The following ANKRD36 variants were observed in gnomAD, a reference collection of about 807,000 sequenced individuals.
ANKRD36 encodes the protein ankyrin repeat domain-containing protein 36A.
Under a neutral mutation model 278.1 loss-of-function variants are expected in ANKRD36, and 179 were observed. The observed-to-expected ratio is 0.64, with a 90% CI of 0.57 to 0.73. The LOEUF is 0.73. Among genes scored for constraint, ANKRD36 ranks in the 30% least tolerant of loss-of-function variants. ANKRD36 has a pLI of 0.00. For synonymous variants in ANKRD36, 320 were observed against 641.1 expected (o/e 0.50, Z 7.57); for missense variants, 1,159 against 1,956.7 (o/e 0.59, Z 7.69).
chr2:97,205,876 T>C, intron 50 of ANKRD36, 64 bp from the exon 51 acceptor site: 3 of 1,497,510 alleles, frequency 2.0e-6, no homozygotes, highest in Non-Finnish European at 2.7e-6. Context: ...TAACTCTGCT[T>C]GAATGTATGG....
intron 6 of ANKRD36, among the ~76,000 whole-genome samples, chr2:97,127,855 A>G (rs2039028053): frequency 6.6e-6 from 1 of 152,014 alleles, no homozygotes. Context: ...AAACAATAAT[A>G]GTTGATAGGG....
intron 4 of ANKRD36, among the ~76,000 whole-genome samples, chr2:97,124,121 A>G (rs2037860296): frequency 1.3e-5 from 2 of 151,616 alleles, no homozygotes; most frequent in South Asian, 4.2e-4. Flanking sequence ...ATTATAATGT[A>G]TAGTATCATA....
chr2:97,171,700 AT>A (rs571738220), intron 22 of ANKRD36, among the ~76,000 whole-genome samples: 2,093 of 150,914 alleles, frequency 0.014, 17 homozygotes, highest in Non-Finnish European at 0.024. Context: ...TTAAAGTATA[AT>A]TAAAAAAAAA....
At chr2:97,140,753 TA>T (rs1020187686) in intron 6 of ANKRD36, among the ~76,000 whole-genome samples, 1 of 151,962 alleles carries the variant, frequency 6.6e-6, no homozygotes, top group African/African-American at 2.4e-5. Context: ...TCACATACAG[TA>T]GTGGTGAGAA....
chr2:97,241,007 T>G (rs998085687), intron 68 of ANKRD36, among the ~76,000 whole-genome samples: 1 of 144,240 alleles, frequency 6.9e-6, no homozygotes, highest in African/African-American at 2.7e-5. Context: ...TTTTTTTTTT[T>G]TTTTTTTTTT....
At chr2:97,175,618 A>G (rs1222713529) in intron 22 of ANKRD36, among the ~76,000 whole-genome samples, 6 of 151,210 alleles carry the variant, frequency 4.0e-5, no homozygotes, top group Non-Finnish European at 7.4e-5. Flanking sequence ...TTGTGTCTCT[A>G]TTTCCTTCAG....
At chr2:97,175,512 T>G (rs530538598) in intron 22 of ANKRD36, among the ~76,000 whole-genome samples, 6 of 151,986 alleles carry the variant, frequency 3.9e-5, no homozygotes, top group Non-Finnish European at 7.4e-5. Context: ...GAATCTTCTC[T>G]CTTTTTTTCT....
chr2:97,184,313 C>A (rs554914306), intron 28 of ANKRD36, among the ~76,000 whole-genome samples: 95 of 151,712 alleles, frequency 6.3e-4, no homozygotes, highest in African/African-American at 2.2e-3. Context: ...TGCCTCATTC[C>A]TGTTTATTAG....
Position 97,179,950 on chromosome 2 carries a change from C to T in ANKRD36, c.1735+17C>T. ...CTGGGACAGGTAATTTTGCAAAACA[C>T]ATCTAATGTCATGTTCAATCAAGAT... is the stretch of plus-strand genomic sequence containing the variant. On this transcript the variant is annotated intron_variant, in intron 24 of 75. Coordinates refer to ENST00000420699, the MANE Select transcript of ANKRD36 (RefSeq NM_001354587.1). The T allele has an allele frequency of 6.2e-7, 1 of 1,603,612 alleles. No homozygotes were observed. Among genetic ancestry groups the T allele is most frequent in the Middle Eastern group, 1.7e-4 (1 of 5,872 alleles).
rs1202716370 is a variant in ANKRD36, at chr2:97,187,215, C to A, written c.2059C>A (p.Pro687Thr). 2.5e-6 allele frequency: 4 copies of A among 1,609,760 alleles called. No individual in the cohort carries two copies. In the East Asian group the frequency reaches 6.7e-5, roughly 27 times the overall value. Residue 687 changes from proline to threonine, a missense_variant, in exon 31 of 76, where the codon CCA (proline) becomes ACA (threonine). Pro to Thr is a conservative substitution (Grantham distance 38). Transcript: ENST00000420699. ...QCGTVSSQKQ[P>T]ALKATTDEED... Reference sequence around the variant, plus strand: ...CTTTTCAGTGTCTTCTCAGAAACAACCAGCCTTGAAGGTAATTAAACTCTC... The same window carrying A: ...CTTTTCAGTGTCTTCTCAGAAACAAACAGCCTTGAAGGTAATTAAACTCTC...
intron 15 of ANKRD36, among the ~76,000 whole-genome samples, chr2:97,157,862 C>T (rs530664886): frequency 1.3e-5 from 2 of 151,878 alleles, no homozygotes; most frequent in South Asian, 4.2e-4. Flanking sequence ...TAATGGATAT[C>T]ATAGTATTTG....
intron 6 of ANKRD36, among the ~76,000 whole-genome samples, chr2:97,129,454 G>T (rs530535984): frequency 6.6e-6 from 1 of 152,138 alleles, no homozygotes; most frequent in African/African-American, 2.4e-5. Context: ...TTCTTTTGCT[G>T]TGCAGAAGCT....
chr2:97,220,895 T>C (rs1479161104), intron 66 of ANKRD36, among the ~76,000 whole-genome samples: 3 of 146,326 alleles, frequency 2.1e-5, no homozygotes, highest in African/African-American at 7.8e-5. Context: ...TCATCTAGCA[T>C]TAGGTATATC....
chr2:97,192,918 G>T, intron 37 of ANKRD36, 32 bp downstream of exon 37: 1 of 1,602,640 alleles, frequency 6.2e-7, no homozygotes, highest in Non-Finnish European at 8.5e-7. Flanking sequence ...TTGTGAATGA[G>T]TTAAGGTATG....
At chr2:97,158,564 C>T (rs1409172565) in intron 16 of ANKRD36, 24 bp from the exon 17 acceptor site, 2 of 1,534,456 alleles carry the variant, frequency 1.3e-6, no homozygotes, top group African/African-American at 1.4e-5. Flanking sequence ...ATTTCATCTA[C>T]TCTTGACTTT....
chr2:97,146,568 G>T lies in ANKRD36; in HGVS notation c.1034+52G>T, dbSNP rs566921688. On this transcript the variant is annotated intron_variant, in intron 11 of 75. Coordinates refer to ENST00000420699, the MANE Select transcript of ANKRD36 (RefSeq NM_001354587.1). ...GATATGTTAACTTAGTTAATAGAGA[G>T]AATAGAAACTAGTATCCATTTAGTG... 350 of 1,415,660 alleles carry T rather than the reference G, an allele frequency of 2.5e-4. 2 individuals carry two copies. The African/African-American group carries it at 3.8e-3, about 15-fold the overall frequency. 87.7% of individuals were successfully genotyped at this position (1,415,660 alleles called of 1,614,324 possible). A position where few individuals can be genotyped will look rare whatever the true frequency, so the allele number is the denominator to read the frequency against.
At chr2:97,179,665 A>T (rs1365901965) in intron 22 of ANKRD36, 73 bp from the exon 23 acceptor site, 1 of 1,583,452 alleles carries the variant, frequency 6.3e-7, no homozygotes, top group East Asian at 2.3e-5. Flanking sequence ...CTAACATGCT[A>T]TCCATGCATT....
chr2:97,182,191 A>AC (rs1255961663), intron 26 of ANKRD36, among the ~76,000 whole-genome samples: 1 of 151,276 alleles, frequency 6.6e-6, no homozygotes, highest in Non-Finnish European at 1.5e-5. Flanking sequence ...ACACTGTAGA[A>AC]CGAGAGCTAA....
At chr2:97,125,096 G>C (rs1026832610) in intron 5 of ANKRD36, among the ~76,000 whole-genome samples, 1 of 151,354 alleles carries the variant, frequency 6.6e-6, no homozygotes, top group Non-Finnish European at 1.5e-5. Context: ...AGAAGGAGAA[G>C]GGGAAAGGAC....
Sources: allele counts gnomAD v4.1 joint callset (sites outside exome capture counted in the v4.1 genomes callset), GRCh38; gene constraint gnomAD v4.1.1; transcripts MANE v1.5; gene names NCBI Gene and HGNC (gene_info 2026-07-23, HGNC 2026-07-21).